CAB39: variants seen among roughly 807,000 people sequenced by gnomAD.
CAB39 encodes the protein calcium-binding protein 39.
CAB39 carries 8 observed loss-of-function variants against 40.0 expected under a neutral mutation model. That is an observed-to-expected ratio of 0.20 (90% CI 0.12 to 0.36). The LOEUF is 0.36. Among genes scored for constraint, CAB39 ranks in the 10% least tolerant of loss-of-function variants. CAB39 has a pLI of 1.00. For missense variants in CAB39, 270 were observed against 401.1 expected (o/e 0.67, Z 2.79); for synonymous variants, 156 against 141.6 (o/e 1.10, Z -0.72).
chr2:230,737,180 A>G (rs902864910), intron 1 of CAB39, among the ~76,000 whole-genome samples: 2 of 152,194 alleles, frequency 1.3e-5, no homozygotes, highest in African/African-American at 4.8e-5. Context: ...AATTGATGAC[A>G]CTGAAACCCA....
intron 5 of CAB39, among the ~76,000 whole-genome samples, chr2:230,801,034 T>C (rs1458233982): frequency 6.6e-6 from 1 of 152,060 alleles, no homozygotes; most frequent in Non-Finnish European, 1.5e-5. Flanking sequence ...AACAAGGTAG[T>C]GTCCTAAGGG....
At chr2:230,726,729 A>G (rs6756974) in intron 1 of CAB39, among the ~76,000 whole-genome samples, 18,127 of 151,846 alleles carry the variant, frequency 0.12, 1,247 homozygotes, top group Middle Eastern at 0.15. Flanking sequence ...TTGCTAACCT[A>G]TTCATTTACT....
intron 4 of CAB39, among the ~76,000 whole-genome samples, chr2:230,798,417 T>C (rs1696028449): frequency 6.6e-6 from 1 of 152,230 alleles, no homozygotes; most frequent in South Asian, 2.1e-4. Flanking sequence ...TATGGAGTGG[T>C]ATGACCCGAA....
chr2:230,792,306 A>G (rs1367943969), intron 3 of CAB39, among the ~76,000 whole-genome samples: 2 of 152,148 alleles, frequency 1.3e-5, no homozygotes, highest in Admixed American at 6.5e-5. Context: ...ACTGAATTTA[A>G]TATTTATGTG....
chr2:230,764,446 C>A (rs1401635940), intron 2 of CAB39, among the ~76,000 whole-genome samples: 1 of 152,164 alleles, frequency 6.6e-6, no homozygotes, highest in Non-Finnish European at 1.5e-5. Context: ...ACAATATTTT[C>A]AACTTTTGAT....
At chr2:230,817,304 A>G (rs1696418983) in intron 7 of CAB39, among the ~76,000 whole-genome samples, 1 of 152,232 alleles carries the variant, frequency 6.6e-6, no homozygotes, top group Non-Finnish European at 1.5e-5. Context: ...TTTGGACACA[A>G]AACCCTTTAT....
chr2:230,751,097 G>T (rs1695077807), intron 1 of CAB39, among the ~76,000 whole-genome samples: 1 of 152,208 alleles, frequency 6.6e-6, no homozygotes, highest in African/African-American at 2.4e-5. Flanking sequence ...AAAAGAATGT[G>T]TTCATGCATG....
intron 1 of CAB39, among the ~76,000 whole-genome samples, chr2:230,715,200 A>G (rs1694327066): frequency 6.6e-6 from 1 of 152,198 alleles, no homozygotes; most frequent in Non-Finnish European, 1.5e-5. Context: ...TTTACTCAAC[A>G]ATGGAAGTCT....
At chr2:230,805,031 A>C (rs1696165470) in intron 5 of CAB39, among the ~76,000 whole-genome samples, 2 of 152,170 alleles carry the variant, frequency 1.3e-5, no homozygotes, top group African/African-American at 4.8e-5. Context: ...GATTGAGAAA[A>C]TGTGGCACAT....
intron 1 of CAB39, among the ~76,000 whole-genome samples, chr2:230,718,796 G>T (rs559048342): frequency 6.6e-6 from 1 of 152,322 alleles, no homozygotes; most frequent in South Asian, 2.1e-4. Context: ...ACCGTAACTA[G>T]AGCAGAGTTT....
chr2:230,721,460 A>G (rs949295398), intron 1 of CAB39, among the ~76,000 whole-genome samples: 2 of 152,222 alleles, frequency 1.3e-5, no homozygotes, highest in African/African-American at 4.8e-5. Context: ...AAACTTGCTT[A>G]ACAGAGATGA....
intron 1 of CAB39, among the ~76,000 whole-genome samples, chr2:230,720,630 C>A (rs1462039537): frequency 6.6e-6 from 1 of 152,146 alleles, no homozygotes; most frequent in Non-Finnish European, 1.5e-5. Flanking sequence ...CCATGTTGGC[C>A]AGGCTGGTCT....
intron 2 of CAB39, among the ~76,000 whole-genome samples, chr2:230,782,661 A>C (rs1347597488): frequency 6.6e-6 from 1 of 152,152 alleles, no homozygotes; most frequent in African/African-American, 2.4e-5. Flanking sequence ...GCACAAGGCA[A>C]ATCACAACCA....
intron 4 of CAB39, 26 bp from the exon 5 acceptor site, chr2:230,798,703 G>C: frequency 6.4e-7 from 1 of 1,567,826 alleles, no homozygotes; most frequent in Non-Finnish European, 8.7e-7. Flanking sequence ...TGTTTGGTTT[G>C]TTTGTTTGGT....
intron 2 of CAB39, among the ~76,000 whole-genome samples, chr2:230,782,813 C>CTTTCTTTCTTTTT (rs1286339069): frequency 1.1e-4 from 9 of 81,760 alleles, no homozygotes; most frequent in Non-Finnish European, 1.7e-4. Flanking sequence ...TTCTTTCTTT[C>CTTTCTTTCTTTTT]TTTTTTTTTT....
chr2:230,743,849 A>C (rs1400273852), intron 1 of CAB39, among the ~76,000 whole-genome samples: 1 of 151,116 alleles, frequency 6.6e-6, no homozygotes, highest in African/African-American at 2.4e-5. Flanking sequence ...AAGTATGTGT[A>C]TGTGTGTGTA....
In CAB39 at chr2:230,791,047, A is replaced by T. The variant is rs1388189217; in HGVS notation, c.279+11A>T. ...CTCATTGACTTTGAGGTAAGAAATC[A>T]ATTTCTTATTTTTAAAAAACAGTAC... On this transcript the variant is annotated intron_variant, in intron 3 of 8. Transcript: ENST00000258418. 1.3e-6 allele frequency: 2 copies of T among 1,560,092 alleles called. No individual in the cohort carries two copies. Among genetic ancestry groups the T allele is most frequent in the South Asian group, 2.4e-5 (2 of 84,428 alleles).
intron 2 of CAB39, among the ~76,000 whole-genome samples, chr2:230,785,742 T>C (rs1695778300): frequency 6.6e-6 from 1 of 151,916 alleles, no homozygotes; most frequent in African/African-American, 2.4e-5. Flanking sequence ...TCACCCAAGC[T>C]GGAGTGCAGT....
Position 230,736,368 on chromosome 2 carries a change from C to T in CAB39, c.-44+23138C>T, listed in dbSNP as rs1374946481. The stretch of plus-strand genomic sequence containing the variant: ...ATGGAGAAAATTAGGGATATGTTTC[C>T]TTCTCTCTTTTTTTCTTCTCCCCTT... On this transcript the variant is annotated intron_variant, in intron 1 of 8. Coordinates refer to ENST00000258418, the MANE Select transcript of CAB39 (RefSeq NM_016289.4). Among the ~76,000 whole-genome samples, 3 of 152,086 alleles carry T rather than the reference C, an allele frequency of 2.0e-5. No homozygotes were observed. The East Asian group carries it at 5.8e-4, about 29-fold the overall frequency.
Sources: gnomAD v4.1 joint callset for allele counts (sites outside exome capture counted in the v4.1 genomes callset) on GRCh38, gnomAD v4.1.1 for gene constraint, MANE v1.5 for transcripts, NCBI Gene and HGNC (gene_info 2026-07-23, HGNC 2026-07-21) for gene names.